The following TPCN1 variants were observed in gnomAD, a reference collection of about 807,000 sequenced individuals.
TPCN1 encodes the protein two pore segment channel 1.
A neutral mutation model predicts 108.8 loss-of-function variants in TPCN1; 52 were observed. The ratio of observed to expected loss-of-function variants is 0.48; its 90% confidence interval spans 0.38 to 0.60. TPCN1 has a LOEUF of 0.60. Among genes scored for constraint, TPCN1 ranks in the 20% least tolerant of loss-of-function variants. The pLI, the probability that TPCN1 is intolerant of heterozygous loss-of-function variation, is 0.00. For missense variants in TPCN1, 806 were observed against 1,072.8 expected, an observed-to-expected ratio of 0.75 and a Z score of 3.47; for synonymous variants, 446 against 433.7, an observed-to-expected ratio of 1.03 and a Z score of -0.35.
At chr12:113,227,779 G>A (rs529084433) in intron 2 of TPCN1, among the ~76,000 whole-genome samples, 1 of 152,286 alleles carries the variant, frequency 6.6e-6, no homozygotes, top group East Asian at 1.9e-4. Context: ...AGAGATGTTT[G>A]GGGCCAAGGA....
At chr12:113,295,475 G>A (rs1000616825) in intron 27 of TPCN1, among the ~76,000 whole-genome samples, 2 of 151,520 alleles carry the variant, frequency 1.3e-5, no homozygotes, top group African/African-American at 4.9e-5. Flanking sequence ...GAAATGTGGG[G>A]TATACTTAAT....
Position 113,231,464 on chromosome 12 carries a change from C to T in TPCN1, c.112+4500C>T, listed in dbSNP as rs1393374878. Among the ~76,000 whole-genome samples the T allele has an allele frequency of 6.6e-6, 1 of 152,164 alleles. No individual in the cohort carries two copies. The highest frequency in any genetic ancestry group is 2.4e-5 in the African/African-American group (1 of 41,432). On this transcript the variant is annotated intron_variant, in intron 2 of 27. Transcript: ENST00000335509. The surrounding 1 kb of genome is among the most constrained non-coding windows in gnomAD (Gnocchi z 4.3). ...CCATATGACCTTGTTTTACCTTAAT[C>T]ACCTTTAAAGGCCCTTTCTCCAAAG... is the stretch of plus-strand genomic sequence containing the variant.
intron 3 of TPCN1, among the ~76,000 whole-genome samples, chr12:113,264,785 T>TTC (rs1566171170): frequency 2.0e-5 from 3 of 152,186 alleles, no homozygotes; most frequent in African/African-American, 7.2e-5. Context: ...AAGTAGGGTA[T>TTC]GGGGAATCCT....
chr12:113,268,039 G>A lies in TPCN1; in HGVS notation c.528+83G>A. The A allele has an allele frequency of 4.0e-6, 4 of 999,516 alleles. No homozygotes were observed. Among genetic ancestry groups the A allele is most frequent in the Non-Finnish European group, 6.2e-6 (4 of 648,368 alleles). The allele number at this position is 999,516 out of a possible 1,614,324, so 61.9% of individuals were successfully genotyped here. On this transcript the variant is annotated intron_variant, in intron 5 of 27. Transcript: ENST00000335509. This position sits in a 1 kb window ranked among gnomAD's most constrained non-coding sequence, Gnocchi z 7.3. ...AAACCTGTCTCTTTGGTACAATTCAGAATCCACCATGGGCCCAGTCCATGC... is the reference window on the plus strand; with the variant it reads ...AAACCTGTCTCTTTGGTACAATTCAAAATCCACCATGGGCCCAGTCCATGC...
At chr12:113,246,004 G>A (rs917796097) in intron 2 of TPCN1, 3 of 456,010 alleles carry the variant, frequency 6.6e-6, no homozygotes, top group Admixed American at 4.7e-5. Flanking sequence ...CAGCTGTTTC[G>A]AGGGAGCGTC....
chr12:113,247,559 G>A (rs1346368273), intron 2 of TPCN1, among the ~76,000 whole-genome samples: 1 of 152,232 alleles, frequency 6.6e-6, no homozygotes. Flanking sequence ...ACAGCAGACA[G>A]GGCAGGGGAT....
Position 113,295,931 on chromosome 12 carries a change from C to T in TPCN1, c.2335-29C>T, listed in dbSNP as rs763543906. On this transcript the variant is annotated intron_variant, in intron 27 of 27. Transcript: ENST00000335509. ...GCGGGGCAGGGGGTGGGGTGCAGCC[C>T]TCAGCACCCCTTCTGCTCTCTTCTC... is the stretch of plus-strand genomic sequence containing the variant. 6 of 1,553,640 alleles carry T rather than the reference C, an allele frequency of 3.9e-6. No individual in the cohort carries two copies. The South Asian group carries it at 4.7e-5, about 12-fold the overall frequency.
At chr12:113,293,940 C>T (rs1956350950) in intron 27 of TPCN1, among the ~76,000 whole-genome samples, 1 of 152,144 alleles carries the variant, frequency 6.6e-6, no homozygotes, top group Non-Finnish European at 1.5e-5. Flanking sequence ...TGGGTTCAAG[C>T]GATTCTCCTG....
chr12:113,252,640 G>A (rs903976259), intron 2 of TPCN1, among the ~76,000 whole-genome samples: 7 of 152,208 alleles, frequency 4.6e-5, no homozygotes, highest in East Asian at 1.9e-4. Flanking sequence ...CTGTGTTGCC[G>A]GTGCCAGCCC....
Position 113,260,411 on chromosome 12 carries a change from C to T in TPCN1, c.156C>T (p.Leu52=), listed in dbSNP as rs753310702. 2.6e-6 allele frequency: 4 copies of T among 1,533,564 alleles called. No homozygotes were observed. The highest frequency in any genetic ancestry group is 5.3e-5 in the East Asian group (2 of 37,730). 95.0% of individuals were successfully genotyped at this position (1,533,564 alleles called of 1,614,324 possible). ...YAIHDSQAPS[L]SSGGESSPSS... ...TCCACGACTCCCAGGCCCCCAGTCT[C>T]AGCTCTGGGGGTGAGAGTTCCCCCT... Residue 52 remains leucine, a synonymous_variant, in exon 3 of 28, where the codon CTC becomes CTT. Transcript: ENST00000335509.
intron 2 of TPCN1, among the ~76,000 whole-genome samples, chr12:113,257,246 C>G (rs1487411632): frequency 6.6e-6 from 1 of 152,200 alleles, no homozygotes; most frequent in Non-Finnish European, 1.5e-5. Context: ...GATCCCAACA[C>G]TTTGGGAGGC....
intron 1 of TPCN1, among the ~76,000 whole-genome samples, chr12:113,224,171 T>C (rs966722753): frequency 6.6e-6 from 1 of 152,216 alleles, no homozygotes; most frequent in African/African-American, 2.4e-5. Flanking sequence ...AATACAGGTT[T>C]GGAGTCACAC....
In TPCN1 at chr12:113,296,204, GAC is replaced by G; in HGVS notation, c.*130_*131del. The G allele has an allele frequency of 7.2e-7, 1 of 1,391,458 alleles. No individual in the cohort carries two copies. The highest frequency in any genetic ancestry group is 1.5e-5 in the South Asian group (1 of 67,964). The allele number at this position is 1,391,458 out of a possible 1,614,324, so 86.2% of individuals were successfully genotyped here. ...CATATTTATATACAGGAAGAAAAAA[GAC>G]AGACAAGATGGGGCTTGGTTTATAA... On this transcript the variant is annotated 3_prime_UTR_variant, in exon 28 of 28. Coordinates refer to ENST00000335509, the MANE Select transcript of TPCN1 (RefSeq NM_017901.6).
intron 12 of TPCN1, 100 bp from the exon 13 acceptor site, chr12:113,278,089 C>A: frequency 1.0e-6 from 1 of 978,270 alleles, no homozygotes; most frequent in Non-Finnish European, 1.6e-6. Flanking sequence ...CTCTTCCTCC[C>A]TCACCCCATA....
At chr12:113,247,811 G>A (rs1593112490) in intron 2 of TPCN1, among the ~76,000 whole-genome samples, 1 of 152,270 alleles carries the variant, frequency 6.6e-6, no homozygotes, top group African/African-American at 2.4e-5. Flanking sequence ...TGAGTGGCCA[G>A]TGTCACCCCA....
rs965237051 is a variant in TPCN1 at position 113,291,755 on chromosome 12, G to A, written c.2028+78G>A. 41 of 1,573,960 alleles carry A rather than the reference G, an allele frequency of 2.6e-5. No homozygotes were observed. The Middle Eastern group carries it at 1.0e-3, about 39-fold the overall frequency. On this transcript the variant is annotated intron_variant, in intron 24 of 27. Coordinates refer to ENST00000335509, the MANE Select transcript of TPCN1 (RefSeq NM_017901.6). ...CTGCCCCTGCTCTTCAGCCTGCAGC[G>A]TCAGGGAGTGGGGCTGGGTCCCATC...
At position 113,266,074 on chromosome 12, in the gene TPCN1, T is replaced by C; in HGVS notation, c.238-106T>C. ...GCATCTTCTGTCTCTGGCCTGAATC[T>C]CTCCTCGCCTGCCTGGGGCCTTCCT... is the stretch of plus-strand genomic sequence containing the variant. On this transcript the variant is annotated intron_variant, in intron 3 of 27. Transcript: ENST00000335509. The surrounding 1 kb of genome is among the most constrained non-coding windows in gnomAD (Gnocchi z 4.2). 1 of 1,233,524 alleles carries C rather than the reference T, an allele frequency of 8.1e-7. No homozygotes were observed. Among genetic ancestry groups the C allele is most frequent in the Admixed American group, 2.1e-5 (1 of 46,722 alleles). 76.4% of individuals were successfully genotyped at this position (1,233,524 alleles called of 1,614,324 possible). A position where few individuals can be genotyped will look rare whatever the true frequency, so the allele number is the denominator to read the frequency against.
At chr12:113,264,665 C>G (rs993120603) in intron 3 of TPCN1, among the ~76,000 whole-genome samples, 4 of 148,334 alleles carry the variant, frequency 2.7e-5, no homozygotes, top group Non-Finnish European at 4.5e-5. Context: ...GGTGACAGAG[C>G]AAGACTCTGT....
intron 18 of TPCN1, among the ~76,000 whole-genome samples, chr12:113,286,689 G>A (rs1016774670): frequency 1.6e-4 from 24 of 152,344 alleles, no homozygotes; most frequent in Admixed American, 1.4e-3. Context: ...TGCAGAGGCC[G>A]GGGCTTCTTT....
Sources: allele counts gnomAD v4.1 joint callset (sites outside exome capture counted in the v4.1 genomes callset), GRCh38; gene constraint gnomAD v4.1.1; non-coding constraint Gnocchi (gnomAD v3.1); transcripts MANE v1.5; gene names NCBI Gene and HGNC (gene_info 2026-07-23, HGNC 2026-07-21).